The following KPNA3 variants were observed in gnomAD, a reference collection of about 807,000 sequenced individuals.
KPNA3 encodes karyopherin subunit alpha 3.
Under a neutral mutation model 73.8 loss-of-function variants are expected in KPNA3, and 13 were observed. The ratio of observed to expected loss-of-function variants is 0.18; its 90% CI spans 0.11 to 0.28. The LOEUF (loss-of-function observed/expected upper bound fraction) is 0.28. Ranked by LOEUF, KPNA3 falls within the 10% of genes least tolerant of loss-of-function variation. The probability of loss-of-function intolerance (pLI) is 1.00; values close to 1 mark genes in which losing one functional copy is unlikely to be tolerated. For missense variants in KPNA3, 360 were observed against 618.1 expected (o/e 0.58, Z 4.43); for synonymous variants, 186 against 206.9 (o/e 0.90, Z 0.87).
At chr13:49,779,496 T>A (rs1954924194) in intron 1 of KPNA3, among the ~76,000 whole-genome samples, 2 of 152,064 alleles carry the variant, frequency 1.3e-5, no homozygotes, top group Non-Finnish European at 2.9e-5. Flanking sequence ...ATCTCACACA[T>A]CTCTTATATT....
intron 6 of KPNA3, among the ~76,000 whole-genome samples, chr13:49,730,270 T>G (rs1224951141): frequency 1.3e-5 from 2 of 152,118 alleles, no homozygotes; most frequent in African/African-American, 2.4e-5. Flanking sequence ...CAGTGGCTCA[T>G]GCCTGTAATG....
intron 1 of KPNA3, among the ~76,000 whole-genome samples, chr13:49,772,010 T>C (rs953200887): frequency 3.2e-4 from 48 of 152,348 alleles, no homozygotes; most frequent in African/African-American, 1.2e-3. Flanking sequence ...ACAATTGATT[T>C]TGTATACTGA....
At chr13:49,735,669 C>A (rs1954515625) in intron 2 of KPNA3, among the ~76,000 whole-genome samples, 5 of 152,144 alleles carry the variant, frequency 3.3e-5, no homozygotes, top group Non-Finnish European at 7.4e-5. Flanking sequence ...AACACCCAAC[C>A]AATCCTTAAA....
At chr13:49,750,629 C>T (rs1365573928) in intron 1 of KPNA3, among the ~76,000 whole-genome samples, 3 of 150,460 alleles carry the variant, frequency 2.0e-5, no homozygotes, top group Admixed American at 6.6e-5. Context: ...GAAACCCTGC[C>T]TTGGAAAAAA....
chr13:49,791,058 A>T (rs1288688134), intron 1 of KPNA3, among the ~76,000 whole-genome samples: 1 of 152,228 alleles, frequency 6.6e-6, no homozygotes, highest in African/African-American at 2.4e-5. Context: ...CATGACCAGG[A>T]AAGAATATAT....
At chr13:49,777,763 G>A (rs906985036) in intron 1 of KPNA3, among the ~76,000 whole-genome samples, 2 of 151,534 alleles carry the variant, frequency 1.3e-5, no homozygotes, top group Non-Finnish European at 2.9e-5. Context: ...CTCCCACCTA[G>A]GCCTCTCAAA....
At chr13:49,750,571 G>A (rs548399046) in intron 1 of KPNA3, among the ~76,000 whole-genome samples, 7 of 152,168 alleles carry the variant, frequency 4.6e-5, no homozygotes, top group African/African-American at 1.7e-4. Context: ...AGTCAAGGGT[G>A]CAAGGAGCCA....
intron 10 of KPNA3, among the ~76,000 whole-genome samples, chr13:49,715,357 A>T (rs1487336654): frequency 1.3e-5 from 2 of 152,204 alleles, no homozygotes; most frequent in Non-Finnish European, 2.9e-5. Context: ...AAATATGACT[A>T]GTCTGTTCGC....
Position 49,705,778 on chromosome 13 carries a change from C to T in KPNA3, c.1215G>A (p.Glu405=), listed in dbSNP as rs979380995. ...GTATTACATTCTGCTGTACAAGGTA[C>T]TCAACCTAGACAACAAAAGAGAAGA... ...LTISGRKDQV[E]YLVQQNVIPP... The change falls in exon 15 of 17, where the codon GAG becomes GAA. Residue 405 remains glutamate, a synonymous_variant. Coordinates refer to ENST00000261667, the MANE Select transcript of KPNA3 (RefSeq NM_002267.4). 6.3e-7 allele frequency: 1 copy of T among 1,599,400 alleles called. No individual in the cohort carries two copies. Among genetic ancestry groups the T allele is most frequent in the South Asian group, 1.1e-5 (1 of 87,730 alleles).
At chr13:49,729,795 T>A (rs557417005) in intron 6 of KPNA3, among the ~76,000 whole-genome samples, 40 of 152,170 alleles carry the variant, frequency 2.6e-4, no homozygotes, top group African/African-American at 9.2e-4. Flanking sequence ...AATAAATAAA[T>A]AAAAATAAAA....
chr13:49,727,572 CA>C (rs1954421870), intron 6 of KPNA3, among the ~76,000 whole-genome samples: 1 of 151,374 alleles, frequency 6.6e-6, no homozygotes, highest in African/African-American at 2.4e-5. Flanking sequence ...AAAGATGGAA[CA>C]TATGAGAAAA....
chr13:49,781,291 C>A (rs1176419545), intron 1 of KPNA3, among the ~76,000 whole-genome samples: 1 of 152,078 alleles, frequency 6.6e-6, no homozygotes, highest in Non-Finnish European at 1.5e-5. Context: ...GAGCAGGAAC[C>A]CTGAGGTAGA....
chr13:49,778,766 C>T (rs1307721478), intron 1 of KPNA3, among the ~76,000 whole-genome samples: 1 of 152,090 alleles, frequency 6.6e-6, no homozygotes, highest in Non-Finnish European at 1.5e-5. Context: ...AACCACCATG[C>T]TTGCCTACTT....
In KPNA3 at chr13:49,734,954, TAGAG is replaced by T. The variant is rs10675449; in HGVS notation, c.115-1912_115-1909del. Among the ~76,000 whole-genome samples, 26 of 145,904 alleles carry T rather than the reference TAGAG, an allele frequency of 1.8e-4. No individual in the cohort carries two copies. The East Asian group carries it at 2.6e-3, about 14-fold the overall frequency. On this transcript the variant is annotated intron_variant, in intron 2 of 16. Coordinates refer to ENST00000261667, the MANE Select transcript of KPNA3 (RefSeq NM_002267.4). ...ATATATATATAGAGAGAGAGATAGA[TAGAG>T]AGAGAGAGAGAGAGAGACATTCTAT...
chr13:49,778,931 G>T (rs1413867638), intron 1 of KPNA3, among the ~76,000 whole-genome samples: 2 of 152,054 alleles, frequency 1.3e-5, no homozygotes, highest in African/African-American at 4.8e-5. Flanking sequence ...AGTGTGTTAT[G>T]ATAAAACACA....
At chr13:49,716,905 A>G (rs1954309339) in intron 10 of KPNA3, among the ~76,000 whole-genome samples, 1 of 152,200 alleles carries the variant, frequency 6.6e-6, no homozygotes, top group Non-Finnish European at 1.5e-5. Context: ...TTAAATACTG[A>G]CGAATCCAAA....
chr13:49,734,630 C>G (rs1410806577), intron 2 of KPNA3, among the ~76,000 whole-genome samples: 4 of 152,178 alleles, frequency 2.6e-5, no homozygotes, highest in Admixed American at 2.0e-4. Context: ...CACTGTATTT[C>G]TCTCAAAACT....
Position 49,792,425 on chromosome 13 carries a change from G to C in KPNA3, c.69+13C>G. The C allele has an allele frequency of 6.4e-7, 1 of 1,559,002 alleles. No individual in the cohort carries two copies. Among genetic ancestry groups the C allele is most frequent in the South Asian group, 1.2e-5 (1 of 86,092 alleles). On this transcript the variant is annotated intron_variant, in intron 1 of 16. Transcript: ENST00000261667. Reference sequence around the variant, plus strand: ...CGCGGCCAGGCGGGCCCAGACCGCGGAAGCACACTCACTTCCACATCGCGG... The same window carrying C: ...CGCGGCCAGGCGGGCCCAGACCGCGCAAGCACACTCACTTCCACATCGCGG...
intron 1 of KPNA3, among the ~76,000 whole-genome samples, chr13:49,768,241 T>G (rs1416465076): frequency 7.0e-6 from 1 of 142,082 alleles, no homozygotes; most frequent in Non-Finnish European, 1.5e-5. Context: ...ATCGCGCCAC[T>G]GCACTCCAGC....
Sources: allele counts gnomAD v4.1 joint callset (sites outside exome capture counted in the v4.1 genomes callset), GRCh38; gene constraint gnomAD v4.1.1; transcripts MANE v1.5; gene names NCBI Gene and HGNC (gene_info 2026-07-23, HGNC 2026-07-21).